Variants in DCUN1D4 observed in about 807,000 individuals in gnomAD.
DCUN1D4 encodes the protein defective in cullin neddylation 1 domain containing 4.
Under a neutral mutation model 47.9 loss-of-function variants are expected in DCUN1D4, and 22 were observed. The observed-to-expected ratio is 0.46, with a 90% CI of 0.33 to 0.66. The LOEUF (loss-of-function observed/expected upper bound fraction) is 0.66, where lower values mean the gene tolerates loss of function less well. Ranked by LOEUF, DCUN1D4 falls within the 30% of genes least tolerant of loss-of-function variation. The pLI, the probability that DCUN1D4 is intolerant of heterozygous loss-of-function variation, is 0.02. For missense variants in DCUN1D4, 301 were observed against 340.8 expected, an observed-to-expected ratio of 0.88 and a Z score of 0.92; for synonymous variants, 121 against 112.2, an observed-to-expected ratio of 1.08 and a Z score of -0.50.
chr4:51,836,633 T>C, the DCUN1D4 span, among the ~76,000 whole-genome samples: 3 of 152,114 alleles, frequency 2.0e-5, no homozygotes, highest in Non-Finnish European at 4.4e-5. Flanking sequence ...GGAATCTGCT[T>C]AATCATGGGT....
At chr4:51,839,055 A>G (rs1721565436), upstream of DCUN1D4, among the ~76,000 whole-genome samples, 1 of 151,974 alleles carries the variant, frequency 6.6e-6, no homozygotes, top group African/African-American at 2.4e-5. Flanking sequence ...AGCCTGGGCG[A>G]CAGAGTGAGA....
chr4:51,897,955 T>C (rs1340876617), intron 7 of DCUN1D4, among the ~76,000 whole-genome samples: 2 of 152,218 alleles, frequency 1.3e-5, no homozygotes, highest in East Asian at 3.8e-4. Flanking sequence ...CCAATAAATG[T>C]AGAAGGAATG....
intron 1 of DCUN1D4, among the ~76,000 whole-genome samples, chr4:51,861,925 G>A (rs375389912): frequency 0.012 from 1,387 of 120,452 alleles, 12 homozygotes; most frequent in African/African-American, 0.06. Context: ...CCCTGTTCAC[G>A]TTTAATAAAT....
At chr4:51,847,936 A>G (rs1231018820) in intron 1 of DCUN1D4, among the ~76,000 whole-genome samples, 2 of 152,104 alleles carry the variant, frequency 1.3e-5, no homozygotes, top group Admixed American at 1.3e-4. Flanking sequence ...CCTTTTTGAG[A>G]TCTGGGACCA....
chr4:51,876,570 CA>C lies in DCUN1D4; in HGVS notation c.252-1183del, dbSNP rs1041468674. On this transcript the variant is annotated intron_variant, in intron 4 of 10. Transcript: ENST00000334635. ...TGTACCCTAAAACTTAAGTATAATA[CA>C]AAAAAAAAAGGATTATACAGTTGAC... 2.8e-3 allele frequency among the ~76,000 whole-genome samples: 399 copies of C among 144,752 alleles called. 2 individuals are homozygous for C. The highest frequency in any genetic ancestry group is 8.9e-3 in the African/African-American group (352 of 39,538). 95.0% of individuals were successfully genotyped at this position (144,752 alleles called of 152,430 possible).
In DCUN1D4 at chr4:51,914,415, T is replaced by G. The variant is rs1174986661; in HGVS notation, c.*831T>G. Reference sequence around the variant, plus strand: ...GCCAGTGATTGATCTGCTAATGCTTTCTTTGCCACTCTAAGTAAAATTTAT... The same window carrying G: ...GCCAGTGATTGATCTGCTAATGCTTGCTTTGCCACTCTAAGTAAAATTTAT... On this transcript the variant is annotated 3_prime_UTR_variant, in exon 11 of 11. Transcript: ENST00000334635. The G allele has an allele frequency of 6.6e-6, 1 of 152,404 alleles. No homozygotes were observed. The allele number at this position is 152,404 out of a possible 1,614,324, so 9.4% of individuals were successfully genotyped here. A position where few individuals can be genotyped will look rare whatever the true frequency, so the allele number is the denominator to read the frequency against.
At chr4:51,840,547 T>A (rs6848075), upstream of DCUN1D4, among the ~76,000 whole-genome samples, 130,767 of 152,230 alleles carry the variant, frequency 0.86, 56,405 homozygotes, top group African/African-American at 0.94. Context: ...GTCAAGTCTC[T>A]TATTTTTAAA....
Position 51,869,606 on chromosome 4 carries a change from T to TA in DCUN1D4, c.137-4656dup, listed in dbSNP as rs201594889. On this transcript the variant is annotated intron_variant, in intron 3 of 10. Coordinates refer to ENST00000334635, the MANE Select transcript of DCUN1D4 (RefSeq NM_001040402.3). ...CTTGAGGACCACAAAGCAGAAAGAT[T>TA]AAAAAAAAAGGAAGTGAAGCACATA... is the stretch of plus-strand genomic sequence containing the variant. 2.9e-3 allele frequency among the ~76,000 whole-genome samples: 431 copies of TA among 151,064 alleles called. 2 individuals carry two copies. The highest frequency in any genetic ancestry group is 0.01 in the African/African-American group (415 of 41,198).
chr4:51,853,868 C>T, intron 1 of DCUN1D4, among the ~76,000 whole-genome samples: 1 of 152,182 alleles, frequency 6.6e-6, no homozygotes, highest in African/African-American at 2.4e-5. Context: ...TCGTGCAGAC[C>T]CTTCCTGCTC....
chr4:51,890,323 G>A (rs1246714718), intron 6 of DCUN1D4, among the ~76,000 whole-genome samples: 1 of 152,124 alleles, frequency 6.6e-6, no homozygotes, highest in African/African-American at 2.4e-5. Flanking sequence ...TGACCCAGTT[G>A]GGCACAGGGA....
intron 7 of DCUN1D4, among the ~76,000 whole-genome samples, chr4:51,898,426 A>G (rs928079251): frequency 2.0e-5 from 3 of 152,204 alleles, no homozygotes; most frequent in Non-Finnish European, 2.9e-5. Context: ...TTGTGGGGAT[A>G]CTGAGGCAGG....
intron 4 of DCUN1D4, among the ~76,000 whole-genome samples, chr4:51,876,056 T>C (rs543887477): frequency 2.0e-5 from 3 of 152,174 alleles, no homozygotes; most frequent in Admixed American, 2.0e-4. Flanking sequence ...CACCTTATTA[T>C]AACCATGTAC....
At chr4:51,869,605 T>C (rs1461699379) in intron 3 of DCUN1D4, among the ~76,000 whole-genome samples, 2 of 151,832 alleles carry the variant, frequency 1.3e-5, no homozygotes, top group African/African-American at 4.8e-5. Context: ...AGCAGAAAGA[T>C]TAAAAAAAAA....
intron 8 of DCUN1D4, among the ~76,000 whole-genome samples, chr4:51,907,636 G>C (rs1269112869): frequency 6.6e-6 from 1 of 151,842 alleles, no homozygotes; most frequent in Non-Finnish European, 1.5e-5. Context: ...AAATCTTCTG[G>C]GTTTTAATTT....
chr4:51,885,227 A>G (rs1577973751), intron 5 of DCUN1D4, among the ~76,000 whole-genome samples: 3 of 152,260 alleles, frequency 2.0e-5, no homozygotes, highest in East Asian at 1.9e-4. Context: ...GGTCGGGGGG[A>G]AAAGACTCTG....
At chr4:51,907,441 T>A (rs1351358329) in intron 8 of DCUN1D4, among the ~76,000 whole-genome samples, 1 of 152,234 alleles carries the variant, frequency 6.6e-6, no homozygotes, top group Non-Finnish European at 1.5e-5. Context: ...TTAGCTGGGT[T>A]AAGGAGGACT....
At chr4:51,899,049 A>AT (rs1731708312) in intron 7 of DCUN1D4, among the ~76,000 whole-genome samples, 1 of 152,168 alleles carries the variant, frequency 6.6e-6, no homozygotes, top group African/African-American at 2.4e-5. Flanking sequence ...AAAAAGGTTA[A>AT]TTGCTGGATC....
chr4:51,905,937 CAG>C (rs1732822526), intron 8 of DCUN1D4, among the ~76,000 whole-genome samples: 1 of 151,882 alleles, frequency 6.6e-6, no homozygotes, highest in Admixed American at 6.6e-5. Flanking sequence ...GTGAACCAGA[CAG>C]AATCAGGAAG....
chr4:51,908,680 G>A (rs1269082638), intron 8 of DCUN1D4, among the ~76,000 whole-genome samples: 3 of 151,820 alleles, frequency 2.0e-5, no homozygotes, highest in Non-Finnish European at 4.4e-5. Flanking sequence ...GAACCCCTTT[G>A]CAGAGAATGT....
Sources: gnomAD v4.1 joint callset for allele counts (sites outside exome capture counted in the v4.1 genomes callset) on GRCh38, gnomAD v4.1.1 for gene constraint, MANE v1.5 for transcripts, NCBI Gene and HGNC (gene_info 2026-07-23, HGNC 2026-07-21) for gene names.